The following TMA16 variants were observed in gnomAD, a reference collection of about 807,000 sequenced individuals.
The protein encoded by TMA16 is translation machinery associated 16 homolog.
Under a neutral mutation model 27.1 loss-of-function variants are expected in TMA16, and 26 were observed. The observed-to-expected ratio is 0.96, with a 90% CI of 0.70 to 1.33. TMA16 has a LOEUF of 1.33. Ranked by LOEUF, TMA16 falls within the 40% of genes most tolerant of loss-of-function variation. The probability of loss-of-function intolerance (pLI) is 0.00; values close to 1 mark genes in which losing one functional copy is unlikely to be tolerated. For synonymous variants in TMA16, 71 were observed against 81.9 expected (o/e 0.87, Z 0.72); for missense variants, 233 against 241.4 (o/e 0.97, Z 0.23).
At chr4:163,504,795 G>A (rs1737697243) in intron 1 of TMA16, among the ~76,000 whole-genome samples, 1 of 152,192 alleles carries the variant, frequency 6.6e-6, no homozygotes. Flanking sequence ...CACCATGCTT[G>A]GCTGAGGATC....
Position 163,512,873 on chromosome 4 carries a change from C to T in TMA16, c.154+14C>T. The T allele has an allele frequency of 6.2e-7, 1 of 1,601,652 alleles. No individual in the cohort carries two copies. The highest frequency in any genetic ancestry group is 8.5e-7 in the Non-Finnish European group (1 of 1,171,954). On this transcript the variant is annotated intron_variant, in intron 3 of 6. Coordinates refer to ENST00000358572, the MANE Select transcript of TMA16 (RefSeq NM_018352.3). ...TCAACCTTGTTGGTAAGTGGGTTTA[C>T]TTATTTGAAACTCTGGCTAGAGTAT...
At chr4:163,503,398 G>T (rs1471391324) in intron 1 of TMA16, among the ~76,000 whole-genome samples, 1 of 152,106 alleles carries the variant, frequency 6.6e-6, no homozygotes, top group Admixed American at 6.6e-5. Context: ...TATGTCTCTT[G>T]TTTCACTGAG....
intron 1 of TMA16, among the ~76,000 whole-genome samples, chr4:163,496,912 A>G (rs553091942): frequency 6.6e-6 from 1 of 152,264 alleles, no homozygotes; most frequent in South Asian, 2.1e-4. Context: ...TTGGCCTCCC[A>G]AAGTGCTGTG....
intron 1 of TMA16, among the ~76,000 whole-genome samples, chr4:163,495,739 T>C (rs1324313890): frequency 1.3e-5 from 2 of 152,250 alleles, no homozygotes; most frequent in Admixed American, 6.5e-5. Context: ...CATTTTTTTC[T>C]CTTTTCATTG....
Position 163,519,581 on chromosome 4 carries a change from C to G in TMA16, c.*67C>G. ...AAATTATATTCATTGATTATGGTAC[C>G]TAATTGTCATGATACAAAAATTTGA... On this transcript the variant is annotated 3_prime_UTR_variant, in exon 7 of 7. Coordinates refer to ENST00000358572, the MANE Select transcript of TMA16 (RefSeq NM_018352.3). 18 of 1,419,796 alleles carry G rather than the reference C, an allele frequency of 1.3e-5. No individual in the cohort carries two copies. The highest frequency in any genetic ancestry group is 1.7e-5 in the Non-Finnish European group (18 of 1,072,790). The allele number at this position is 1,419,796 out of a possible 1,614,324, so 87.9% of individuals were successfully genotyped here. A position where few individuals can be genotyped will look rare whatever the true frequency, so the allele number is the denominator to read the frequency against.
chr4:163,514,671 A>C (rs1163851122), intron 4 of TMA16, among the ~76,000 whole-genome samples: 1 of 152,188 alleles, frequency 6.6e-6, no homozygotes, highest in Non-Finnish European at 1.5e-5. Context: ...ACAGCAAGCA[A>C]CTGAAATGAT....
At chr4:163,504,408 C>T (rs559165981) in intron 1 of TMA16, among the ~76,000 whole-genome samples, 2 of 152,268 alleles carry the variant, frequency 1.3e-5, no homozygotes, top group East Asian at 3.9e-4. Flanking sequence ...TTACTGGTCT[C>T]CTCTCCCTCA....
At chr4:163,497,685 A>C (rs1472751444) in intron 1 of TMA16, among the ~76,000 whole-genome samples, 1 of 152,140 alleles carries the variant, frequency 6.6e-6, no homozygotes, top group Admixed American at 6.5e-5. Flanking sequence ...CCTTCCTCTT[A>C]CATGGACCTT....
At chr4:163,495,929 C>T (rs1737546950) in intron 1 of TMA16, among the ~76,000 whole-genome samples, 1 of 152,008 alleles carries the variant, frequency 6.6e-6, no homozygotes, top group African/African-American at 2.4e-5. Flanking sequence ...AGTTTTTTTC[C>T]CCTTTTCAGA....
chr4:163,501,382 C>G (rs1737649059), intron 1 of TMA16, among the ~76,000 whole-genome samples: 2 of 152,210 alleles, frequency 1.3e-5, no homozygotes, highest in African/African-American at 4.8e-5. Context: ...TATGTGACCT[C>G]TTCTCTTTAA....
At chr4:163,499,813 G>A (rs1412813648) in intron 1 of TMA16, among the ~76,000 whole-genome samples, 1 of 152,038 alleles carries the variant, frequency 6.6e-6, no homozygotes, top group East Asian at 1.9e-4. Context: ...TGTGAAGCCT[G>A]GAGGGCCAAC....
intron 2 of TMA16, among the ~76,000 whole-genome samples, chr4:163,510,421 T>A (rs1289353039): frequency 1.3e-5 from 2 of 152,194 alleles, no homozygotes; most frequent in Non-Finnish European, 2.9e-5. Flanking sequence ...AGCCACTAAT[T>A]TGCTCTTTAT....
At chr4:163,514,029 A>C in intron 3 of TMA16, 45 bp from the exon 4 acceptor site, 1 of 1,421,858 alleles carries the variant, frequency 7.0e-7, no homozygotes, top group Non-Finnish European at 9.6e-7. Flanking sequence ...ACTTGCTTAA[A>C]TGATGACTTG....
intron 1 of TMA16, among the ~76,000 whole-genome samples, chr4:163,497,346 A>G (rs563976458): frequency 1.3e-5 from 2 of 152,252 alleles, no homozygotes; most frequent in Non-Finnish European, 2.9e-5. Context: ...TTACTTGTAC[A>G]TGGTTTAAAA....
intron 1 of TMA16, among the ~76,000 whole-genome samples, chr4:163,495,580 T>C (rs1737537993): frequency 6.6e-6 from 1 of 152,216 alleles, no homozygotes; most frequent in Admixed American, 6.5e-5. Context: ...TTTTACGTAA[T>C]CGTTGTGTTC....
At chr4:163,512,899 A>T in intron 3 of TMA16, 40 bp downstream of exon 3, 1 of 1,524,204 alleles carries the variant, frequency 6.6e-7, no homozygotes, top group South Asian at 1.2e-5. Flanking sequence ...GCTAGAGTAT[A>T]GGGCATTTCT....
chr4:163,516,041 G>A (rs531267053), intron 5 of TMA16: 14 of 153,578 alleles, frequency 9.1e-5, no homozygotes, highest in African/African-American at 2.6e-4. Flanking sequence ...GGCCACTATC[G>A]TCTCACCTGT....
At chr4:163,497,892 G>A (rs1199458069) in intron 1 of TMA16, among the ~76,000 whole-genome samples, 1 of 152,172 alleles carries the variant, frequency 6.6e-6, no homozygotes, top group Non-Finnish European at 1.5e-5. Flanking sequence ...CTTGCCTAAT[G>A]CCCTGGTTCA....
intron 1 of TMA16, among the ~76,000 whole-genome samples, chr4:163,498,461 G>A (rs1476024360): frequency 6.6e-6 from 1 of 151,696 alleles, no homozygotes; most frequent in Non-Finnish European, 1.5e-5. Context: ...CTAATTTTTT[G>A]TATTTTTAGT....
Sources: gnomAD v4.1 joint callset for allele counts (sites outside exome capture counted in the v4.1 genomes callset) on GRCh38, gnomAD v4.1.1 for gene constraint, MANE v1.5 for transcripts, NCBI Gene and HGNC (gene_info 2026-07-23, HGNC 2026-07-21) for gene names.